The following TANC2 variants were observed in gnomAD, a reference collection of about 807,000 sequenced individuals.
The protein encoded by TANC2 is tetratricopeptide repeat, ankyrin repeat and coiled-coil containing 2, also known as protein TANC2.
In TANC2, 26 loss-of-function variants were observed where a neutral mutation model predicts 210.5. The ratio of observed to expected loss-of-function variants is 0.12; its 90% CI spans 0.09 to 0.17. The LOEUF (loss-of-function observed/expected upper bound fraction) is 0.17. Ranked by LOEUF, TANC2 falls within the 10% of genes least tolerant of loss-of-function variation. TANC2 has a pLI of 1.00. For synonymous variants in TANC2, 931 were observed against 967.1 expected, an observed-to-expected ratio of 0.96 and a Z score of 0.69; for missense variants, 2,129 against 2,608.9, an observed-to-expected ratio of 0.82 and a Z score of 4.01.
chr17:63,012,009 G>C (rs545924961), intron 2 of TANC2, among the ~76,000 whole-genome samples: 1 of 145,384 alleles, frequency 6.9e-6, no homozygotes, highest in South Asian at 2.2e-4. Flanking sequence ...CTTTTGTGTT[G>C]ATCAAAACTT....
chr17:63,425,358 G>A (rs2049118320), exon 28 of TANC2: 1 of 152,174 alleles, frequency 6.6e-6, no homozygotes, highest in Non-Finnish European at 1.5e-5. Context: ...AAACAGAACA[G>A]CTTAGAGAAA....
intron 8 of TANC2, among the ~76,000 whole-genome samples, chr17:63,258,640 G>T (rs73325713): frequency 0.021 from 3,195 of 152,226 alleles, 103 homozygotes; most frequent in African/African-American, 0.071. Flanking sequence ...GGCAAGTACT[G>T]CCTGGCTACT....
At chr17:63,220,436 T>C (rs1419624181) in intron 7 of TANC2, among the ~76,000 whole-genome samples, 2 of 151,800 alleles carry the variant, frequency 1.3e-5, no homozygotes, top group African/African-American at 4.8e-5. Context: ...GCACGGTGGC[T>C]CATGTCTGTA....
chr17:63,402,917 A>G (rs2048386567), intron 19 of TANC2, among the ~76,000 whole-genome samples: 1 of 152,134 alleles, frequency 6.6e-6, no homozygotes, highest in Admixed American at 6.5e-5. Flanking sequence ...AAAAGCCCAG[A>G]CTCCATTTTA....
At chr17:63,152,539 AG>A in intron 5 of TANC2, 1 of 152,292 alleles carries the variant, frequency 6.6e-6, no homozygotes, top group South Asian at 2.1e-4. Context: ...GTTTTGTATT[AG>A]GAACCAGCTT....
chr17:62,975,873 T>G (rs1029523610), intron 1 of TANC2, among the ~76,000 whole-genome samples: 1 of 152,152 alleles, frequency 6.6e-6, no homozygotes, highest in Non-Finnish European at 1.5e-5. Context: ...TTTATTAGCC[T>G]GTGGAAAGTA....
At chr17:63,087,334 G>A (rs887947731) in intron 3 of TANC2, among the ~76,000 whole-genome samples, 2 of 152,208 alleles carry the variant, frequency 1.3e-5, no homozygotes, top group Admixed American at 6.5e-5. Flanking sequence ...GGAAAAGGAA[G>A]CATCTAAGTA....
intron 7 of TANC2, among the ~76,000 whole-genome samples, chr17:63,204,608 A>AT (rs1555605524): frequency 1.3e-5 from 2 of 149,380 alleles, no homozygotes; most frequent in African/African-American, 2.6e-5. Context: ...TAAAAAAAAA[A>AT]GAAAGAAAGA....
chr17:63,283,906 A>G (rs1314962422), intron 9 of TANC2, among the ~76,000 whole-genome samples: 1 of 151,948 alleles, frequency 6.6e-6, no homozygotes, highest in Non-Finnish European at 1.5e-5. Context: ...GATTTTCTGC[A>G]TAGATGATCA....
At chr17:63,080,061 A>T (rs569677262) in intron 3 of TANC2, among the ~76,000 whole-genome samples, 1 of 152,080 alleles carries the variant, frequency 6.6e-6, no homozygotes, top group Middle Eastern at 3.2e-3. Flanking sequence ...ATTACTTACT[A>T]TATTTTGTCT....
intron 2 of TANC2, among the ~76,000 whole-genome samples, chr17:63,069,214 G>T (rs1291266202): frequency 6.6e-6 from 1 of 152,026 alleles, no homozygotes; most frequent in Non-Finnish European, 1.5e-5. Flanking sequence ...AATTATGATT[G>T]TTATGAACAT....
intron 9 of TANC2, among the ~76,000 whole-genome samples, chr17:63,304,801 G>A (rs2044842679): frequency 6.6e-6 from 1 of 152,164 alleles, no homozygotes; most frequent in Non-Finnish European, 1.5e-5. Context: ...TGGAGTTCCT[G>A]CAGGGAGGCC....
At chr17:63,056,994 T>G (rs975716052) in intron 2 of TANC2, among the ~76,000 whole-genome samples, 1 of 152,124 alleles carries the variant, frequency 6.6e-6, no homozygotes, top group Non-Finnish European at 1.5e-5. Context: ...TTTTTGTTTT[T>G]TTTTTTAAGA....
intron 2 of TANC2, among the ~76,000 whole-genome samples, chr17:63,026,078 T>A (rs1405994956): frequency 6.6e-6 from 1 of 152,126 alleles, no homozygotes; most frequent in East Asian, 1.9e-4. Flanking sequence ...TTGATATTTC[T>A]AATCAGAAAT....
At chr17:63,362,133 C>T (rs1285592608) in intron 14 of TANC2, among the ~76,000 whole-genome samples, 3 of 152,122 alleles carry the variant, frequency 2.0e-5, no homozygotes, top group Non-Finnish European at 4.4e-5. Context: ...GAGAGGAGAC[C>T]TGGAATGGGT....
At chr17:63,402,199 C>T (rs989799498) in intron 19 of TANC2, among the ~76,000 whole-genome samples, 4 of 152,030 alleles carry the variant, frequency 2.6e-5, no homozygotes, top group Non-Finnish European at 5.9e-5. Context: ...CTCCCTTGGC[C>T]CACCCCACAC....
intron 11 of TANC2, among the ~76,000 whole-genome samples, chr17:63,331,746 A>C (rs1016828126): frequency 6.6e-5 from 10 of 152,104 alleles, no homozygotes; most frequent in Admixed American, 3.9e-4. Context: ...TCTCCTATTT[A>C]TTTGACTTTG....
At chr17:63,260,144 G>A (rs2043314077) in intron 8 of TANC2, among the ~76,000 whole-genome samples, 1 of 152,174 alleles carries the variant, frequency 6.6e-6, no homozygotes, top group South Asian at 2.1e-4. Flanking sequence ...TGGGAAGGAA[G>A]GAGGCACTCA....
intron 5 of TANC2, among the ~76,000 whole-genome samples, chr17:63,187,452 T>C (rs553121921): frequency 1.3e-5 from 2 of 152,308 alleles, no homozygotes; most frequent in African/African-American, 4.8e-5. Context: ...TCAGATTTGG[T>C]TAATGGTATA....
Sources: gnomAD v4.1 joint callset for allele counts (sites outside exome capture counted in the v4.1 genomes callset) on GRCh38, gnomAD v4.1.1 for gene constraint, MANE v1.5 for transcripts, NCBI Gene and HGNC (gene_info 2026-07-23, HGNC 2026-07-21) for gene names.